SHPRH: variants seen among roughly 807,000 people sequenced by gnomAD.
SHPRH encodes SNF2 histone linker PHD RING helicase.
Under a neutral mutation model 202.5 loss-of-function variants are expected in SHPRH, and 106 were observed. The ratio of observed to expected loss-of-function variants is 0.52; its 90% CI spans 0.45 to 0.62. SHPRH has a LOEUF of 0.62. Ranked by LOEUF, SHPRH falls within the 20% of genes least tolerant of loss-of-function variation. SHPRH has a pLI of 0.00. For missense variants in SHPRH, 1,710 were observed against 2,020.0 expected (o/e 0.85, Z 2.94); for synonymous variants, 729 against 686.0 (o/e 1.06, Z -0.98).
At chr6:145,920,077 T>C (rs1004217666) in intron 21 of SHPRH, among the ~76,000 whole-genome samples, 1 of 152,126 alleles carries the variant, frequency 6.6e-6, no homozygotes, top group Non-Finnish European at 1.5e-5. Context: ...TATATATGTT[T>C]CTGAAATTCA....
Position 145,943,542 on chromosome 6 carries a change from A to G in SHPRH, c.1839T>C (p.Ala613=), listed in dbSNP as rs1294711740. 2 of 1,614,068 alleles carry G rather than the reference A, an allele frequency of 1.2e-6. No homozygotes were observed. Among genetic ancestry groups the G allele is most frequent in the South Asian group, 2.2e-5 (2 of 91,084 alleles). ...CAGAGATACATGTACTTTTAGACATAGCAACATCAGTTATTCCAGAGTCGC... is the reference window on the plus strand; with the variant it reads ...CAGAGATACATGTACTTTTAGACATGGCAACATCAGTTATTCCAGAGTCGC... ...ATSDSGITDV[A]MSKSTCISEF... is the part of the protein sequence containing the mutation. Residue 613 remains alanine, a synonymous_variant, in exon 9 of 30, where the codon GCT becomes GCC. Transcript: ENST00000275233.
At chr6:145,894,712 A>C (rs1328918716) in intron 26 of SHPRH, among the ~76,000 whole-genome samples, 173 bp downstream of exon 26, 1 of 152,088 alleles carries the variant, frequency 6.6e-6, no homozygotes, top group Admixed American at 6.6e-5. Flanking sequence ...GCCTTGTGAA[A>C]CATCATCACA....
chr6:145,956,080 CAA>C (rs1788477684), intron 1 of SHPRH, among the ~76,000 whole-genome samples: 1 of 151,832 alleles, frequency 6.6e-6, no homozygotes, highest in Non-Finnish European at 1.5e-5. Flanking sequence ...TAAGCTTAAA[CAA>C]TGGAAACAAC....
At chr6:145,920,780 A>G (rs556387861) in intron 21 of SHPRH, among the ~76,000 whole-genome samples, 1 of 152,214 alleles carries the variant, frequency 6.6e-6, no homozygotes, top group Admixed American at 6.6e-5. Context: ...TAGGATAAGA[A>G]GTATTTACTA....
intron 11 of SHPRH, among the ~76,000 whole-genome samples, chr6:145,936,754 T>A (rs968090749): frequency 2.0e-5 from 3 of 152,184 alleles, no homozygotes; most frequent in Admixed American, 1.3e-4. Context: ...CTGAAGATGA[T>A]CAACAAATAT....
intron 23 of SHPRH, among the ~76,000 whole-genome samples, chr6:145,914,874 T>G (rs927821240): frequency 7.9e-5 from 12 of 152,086 alleles, no homozygotes; most frequent in Non-Finnish European, 1.6e-4. Flanking sequence ...TGAATTAGCA[T>G]AAGGTCTATT....
downstream of SHPRH, among the ~76,000 whole-genome samples, chr6:145,862,918 A>G (rs890559254): frequency 6.6e-6 from 1 of 152,232 alleles, no homozygotes; most frequent in Non-Finnish European, 1.5e-5. Context: ...GGCACGATGT[A>G]TTATTAGTCT....
intron 6 of SHPRH, 57 bp from the exon 7 acceptor site, chr6:145,946,398 G>T (rs1376083194): frequency 4.5e-5 from 61 of 1,343,270 alleles, no homozygotes; most frequent in Non-Finnish European, 6.0e-5. Flanking sequence ...ATTCTGAATT[G>T]CTTATTGAAA....
At chr6:145,940,425 C>T (rs1401415253) in intron 11 of SHPRH, among the ~76,000 whole-genome samples, 1 of 120,754 alleles carries the variant, frequency 8.3e-6, no homozygotes, top group Non-Finnish European at 1.6e-5. Context: ...CTACCTATGA[C>T]TTTGGAACTC....
At chr6:145,880,207 C>A (rs1323628159), downstream of SHPRH, among the ~76,000 whole-genome samples, 1 of 151,932 alleles carries the variant, frequency 6.6e-6, no homozygotes. Flanking sequence ...TATTATTAAG[C>A]CTAAATTAGG....
chr6:145,915,582 T>C (rs910321828), intron 23 of SHPRH, among the ~76,000 whole-genome samples: 1 of 152,062 alleles, frequency 6.6e-6, no homozygotes, highest in African/African-American at 2.4e-5. Context: ...GCTGTTTTTT[T>C]CTTTTAGCAT....
intron 27 of SHPRH, 33 bp from the exon 28 acceptor site, chr6:145,893,426 C>G (rs376222839): frequency 1.3e-6 from 2 of 1,534,796 alleles, no homozygotes; most frequent in Non-Finnish European, 1.8e-6. Flanking sequence ...AATTTTAGCT[C>G]GATCAGTTAA....
Position 145,950,382 on chromosome 6 carries a change from C to T in SHPRH, c.864G>A (p.Thr288=), listed in dbSNP as rs778391683. The T allele has an allele frequency of 3.7e-6, 6 of 1,613,256 alleles. No individual in the cohort carries two copies. Among genetic ancestry groups the T allele is most frequent in the African/African-American group, 1.3e-5 (1 of 74,944 alleles). Residue 288 remains threonine, a synonymous_variant, in exon 4 of 30, where the codon ACG becomes ACA. Transcript: ENST00000275233. The part of the protein sequence containing the change: ...HFVKQTHQQE[T]QSIQVDVQHP... ...GCTGGACATCCACTTGGATGGACTG[C>T]GTTTCTTGCTGATGTGTTTGTTTCA...
At position 145,952,368 on chromosome 6, in the gene SHPRH, T is replaced by C. The variant is rs780887927; in HGVS notation, c.744A>G (p.Leu248=). The part of the protein sequence containing the change: ...NQLMKKVMEK[L]HNSIIPDVLE... The stretch of plus-strand genomic sequence containing the variant: ...TATTACCTGGAATAATAGAATTGTG[T>C]AACTTTTCCATTACTTTCTTCATGA... The change falls in exon 3 of 30, where the codon TTA becomes TTG. Residue 248 remains leucine, a synonymous_variant. Transcript: ENST00000275233. 6.2e-7 allele frequency: 1 copy of C among 1,603,046 alleles called. No individual in the cohort carries two copies. Among genetic ancestry groups the C allele is most frequent in the South Asian group, 1.1e-5 (1 of 88,260 alleles).
At chr6:145,864,560 T>C (rs1418695245) in intron 2 of SHPRH, 1 of 196,354 alleles carries the variant, frequency 5.1e-6, no homozygotes, top group Non-Finnish European at 1.1e-5. Flanking sequence ...CAATAAAGCC[T>C]CTTGGAAAGA....
In SHPRH at chr6:145,910,501, A is replaced by T. The variant is rs1783399692; in HGVS notation, c.4462T>A (p.Ser1488Thr). 6.2e-7 allele frequency: 1 copy of T among 1,613,158 alleles called. No individual in the cohort carries two copies. The highest frequency in any genetic ancestry group is 8.5e-7 in the Non-Finnish European group (1 of 1,179,592). Reference sequence around the variant, plus strand: ...GCTTTCTCTGAGGTAAAGACATACGAGATTTCTTTGTGAGATGTGGTCTGG... The same window carrying T: ...GCTTTCTCTGAGGTAAAGACATACGTGATTTCTTTGTGAGATGTGGTCTGG... ...CRQTTSHKEISYVFTSEKANQ... is the reference protein window; with the variant it reads ...CRQTTSHKEITYVFTSEKANQ... The change falls in exon 25 of 30, where the codon TCG (serine) becomes ACG (threonine). Residue 1488 changes from serine to threonine, a missense_variant. This residue lies in a region of SHPRH where 306 missense variants were observed against 479.5 expected (regional missense o/e 0.64). Coordinates refer to ENST00000275233, the MANE Select transcript of SHPRH (RefSeq NM_001042683.3).
chr6:145,872,922 CTT>C (rs1035778868), intron 2 of SHPRH, among the ~76,000 whole-genome samples: 3 of 152,286 alleles, frequency 2.0e-5, no homozygotes, highest in African/African-American at 7.2e-5. Flanking sequence ...CCTTAGCAAA[CTT>C]ACACAGGAAC....
chr6:145,949,432 T>G (rs1407522033), intron 4 of SHPRH, among the ~76,000 whole-genome samples: 1 of 152,108 alleles, frequency 6.6e-6, no homozygotes, highest in Non-Finnish European at 1.5e-5. Flanking sequence ...TAATGTCTTT[T>G]GCAGCAACTT....
intron 27 of SHPRH, 36 bp from the exon 28 acceptor site, chr6:145,893,429 T>C (rs1441295406): frequency 6.5e-7 from 1 of 1,530,864 alleles, no homozygotes; most frequent in Non-Finnish European, 8.8e-7. Flanking sequence ...TTTAGCTCGA[T>C]CAGTTAAAAT....
Sources: allele counts gnomAD v4.1 joint callset (sites outside exome capture counted in the v4.1 genomes callset), GRCh38; gene constraint gnomAD v4.1.1; regional missense constraint gnomAD v4.1.1; transcripts MANE v1.5; gene names NCBI Gene and HGNC (gene_info 2026-07-23, HGNC 2026-07-21).